The following IL34 variants were observed in gnomAD, a reference collection of about 807,000 sequenced individuals.
The protein encoded by IL34 is interleukin 34.
A neutral mutation model predicts 25.3 loss-of-function variants in IL34; 17 were observed. The observed-to-expected ratio is 0.67, with a 90% confidence interval of 0.46 to 1.01. The LOEUF (loss-of-function observed/expected upper bound fraction) is 1.01. Ranked by LOEUF, IL34 falls within the 50% of genes least tolerant of loss-of-function variation. The pLI is 0.00. For synonymous variants in IL34, 174 were observed against 140.9 expected (o/e 1.23, Z -1.66); for missense variants, 368 against 312.9 (o/e 1.18, Z -1.33).
intron 1 of IL34, among the ~76,000 whole-genome samples, chr16:70,613,010 T>C (rs2051113674): frequency 6.6e-6 from 1 of 152,150 alleles, no homozygotes; most frequent in South Asian, 2.1e-4. Context: ...TGACCTCAAA[T>C]GATCTGCCTG....
chr16:70,657,673 G>T (rs1486593072), intron 4 of IL34, among the ~76,000 whole-genome samples: 3 of 152,178 alleles, frequency 2.0e-5, no homozygotes, highest in Admixed American at 1.3e-4. Context: ...TACTCAGGAG[G>T]CTGAGGCAGG....
chr16:70,629,446 G>A (rs183025061), intron 1 of IL34, among the ~76,000 whole-genome samples: 50 of 152,182 alleles, frequency 3.3e-4, no homozygotes, highest in Admixed American at 8.5e-4. Flanking sequence ...TTGCGGAACC[G>A]GTTCCAGAAC....
chr16:70,580,552 G>A lies in IL34; in HGVS notation c.-401+503G>A, dbSNP rs544944191. 3.3e-5 allele frequency among the ~76,000 whole-genome samples: 5 copies of A among 152,258 alleles called. No homozygotes were observed. In the South Asian group the frequency reaches 6.2e-4, roughly 19 times the overall value. ...CTGTAATCCCAGCACTCTGGGAGGC[G>A]AGCGGATCACTTGAGGTCAGGAGTT... On this transcript the variant is annotated intron_variant, in intron 1 of 6. Coordinates refer to the IL34 transcript ENST00000429149.
At chr16:70,632,519 A>G (rs746029423) in intron 1 of IL34, among the ~76,000 whole-genome samples, 69 of 152,176 alleles carry the variant, frequency 4.5e-4, no homozygotes, top group Non-Finnish European at 5.9e-4. Context: ...AGCTGGGCCA[A>G]TGCTTTCGGC....
intron 1 of IL34, among the ~76,000 whole-genome samples, chr16:70,593,143 A>G (rs2050776744): frequency 6.6e-6 from 1 of 152,092 alleles, no homozygotes; most frequent in Non-Finnish European, 1.5e-5. Context: ...TCCATTTTTT[A>G]ACTGGGTTGT....
chr16:70,637,497 C>T (rs979431140), intron 1 of IL34, among the ~76,000 whole-genome samples: 2 of 150,866 alleles, frequency 1.3e-5, no homozygotes, highest in South Asian at 2.2e-4. Context: ...AGGCATACAC[C>T]ATCAGGCCCG....
intron 1 of IL34, among the ~76,000 whole-genome samples, chr16:70,592,082 TC>T (rs5817704): frequency 0.39 from 58,669 of 151,486 alleles, 11,519 homozygotes; most frequent in South Asian, 0.61. Context: ...GTCCTTCTAC[TC>T]CCCCCACCAC....
At chr16:70,638,570 C>T (rs1473861598) in intron 1 of IL34, among the ~76,000 whole-genome samples, 1 of 152,120 alleles carries the variant, frequency 6.6e-6, no homozygotes, top group African/African-American at 2.4e-5. Flanking sequence ...CTCCCAATAT[C>T]TGCATATGCT....
chr16:70,634,889 C>G (rs772718157), intron 1 of IL34, among the ~76,000 whole-genome samples: 1 of 138,040 alleles, frequency 7.2e-6, no homozygotes, highest in Non-Finnish European at 1.5e-5. Flanking sequence ...TTTTGAGATT[C>G]ATCCATGTTG....
At chr16:70,639,022 G>C (rs1293778711) in intron 1 of IL34, among the ~76,000 whole-genome samples, 2 of 152,214 alleles carry the variant, frequency 1.3e-5, no homozygotes, top group Non-Finnish European at 2.9e-5. Flanking sequence ...TGCTGACTAA[G>C]GCGTTGCCCT....
intron 1 of IL34, among the ~76,000 whole-genome samples, chr16:70,620,716 G>A (rs1245102264): frequency 1.7e-5 from 2 of 117,476 alleles, no homozygotes; most frequent in African/African-American, 6.6e-5. Context: ...TTTACAACAA[G>A]AATTATTTAG....
At chr16:70,589,432 T>A (rs2050728192) in intron 1 of IL34, among the ~76,000 whole-genome samples, 1 of 152,152 alleles carries the variant, frequency 6.6e-6, no homozygotes, top group South Asian at 2.1e-4. Context: ...TGTTGTCCCC[T>A]CTATGTGTCC....
At chr16:70,659,568 G>C in intron 4 of IL34, 50 bp from the exon 5 acceptor site, 1 of 1,559,092 alleles carries the variant, frequency 6.4e-7, no homozygotes, top group Non-Finnish European at 8.7e-7. Flanking sequence ...CGGCTCTCCT[G>C]GGGTGCGGCC....
chr16:70,623,957 T>TAAG (rs773504403), intron 1 of IL34, among the ~76,000 whole-genome samples: 3 of 93,540 alleles, frequency 3.2e-5, no homozygotes, highest in African/African-American at 7.4e-5. Context: ...CCGTATTGAT[T>TAAG]AAGGCGACGG....
At chr16:70,651,081 G>A (rs1213937475) in intron 1 of IL34, among the ~76,000 whole-genome samples, 6 of 152,084 alleles carry the variant, frequency 3.9e-5, no homozygotes, top group East Asian at 1.9e-4. Flanking sequence ...ATGTGGTGGC[G>A]CGCACCTGTA....
chr16:70,640,844 A>G lies in IL34; in HGVS notation c.-400-5704A>G, dbSNP rs967445642. ...AATTCCCCTGCGCCCCTTCTCAGTCAATCCCCTTCCCCACTCCCCATTTTG... is the reference window on the plus strand; with the variant it reads ...AATTCCCCTGCGCCCCTTCTCAGTCGATCCCCTTCCCCACTCCCCATTTTG... On this transcript the variant is annotated intron_variant, in intron 1 of 6. Transcript: ENST00000429149. Among the ~76,000 whole-genome samples the G allele has an allele frequency of 3.3e-5, 5 of 152,134 alleles. No individual in the cohort carries two copies. The East Asian group carries it at 9.6e-4, about 29-fold the overall frequency.
chr16:70,657,049 C>G lies in IL34; in HGVS notation c.330C>G (p.Leu110=), dbSNP rs142587592. 2,226 of 1,612,762 alleles carry G rather than the reference C, an allele frequency of 1.4e-3. 1 individual carries two copies. Among genetic ancestry groups the G allele is most frequent in the Non-Finnish European group, 1.7e-3 (2,042 of 1,179,966 alleles). Residue 110 remains leucine, a synonymous_variant, in exon 4 of 6, where the codon CTC becomes CTG. Transcript: ENST00000288098. ...CTGAGTCGGTGCAGGACGTGCTGCT[C>G]GAGGGCCACCCATCCTGGAAGTACC... is the stretch of plus-strand genomic sequence containing the variant. ...SATESVQDVL[L]EGHPSWKYLQ...
intron 1 of IL34, among the ~76,000 whole-genome samples, chr16:70,648,104 C>T (rs2051985437): frequency 6.6e-6 from 1 of 152,206 alleles, no homozygotes. Context: ...CTCCCCATAG[C>T]AGGCAGCCCT....
chr16:70,588,666 G>T (rs1170796873), intron 1 of IL34, among the ~76,000 whole-genome samples: 1 of 152,168 alleles, frequency 6.6e-6, no homozygotes, highest in African/African-American at 2.4e-5. Context: ...TTCATCAACA[G>T]ATGAATGGAA....
Sources: gnomAD v4.1 joint callset for allele counts (sites outside exome capture counted in the v4.1 genomes callset) on GRCh38, gnomAD v4.1.1 for gene constraint, MANE v1.5 for transcripts, NCBI Gene and HGNC (gene_info 2026-07-23, HGNC 2026-07-21) for gene names.